The following AMBRA1 variants were observed in gnomAD, a reference collection of about 807,000 sequenced individuals.
AMBRA1 encodes the protein autophagy and beclin 1 regulator 1, also known as activating molecule in BECN1-regulated autophagy protein 1.
Under a neutral mutation model 125.4 loss-of-function variants are expected in AMBRA1, and 47 were observed. The observed-to-expected ratio is 0.37, with a 90% CI of 0.30 to 0.48. The LOEUF is 0.48. AMBRA1 is among the 20% of genes least tolerant of loss of function. The pLI is 0.99. For synonymous variants in AMBRA1, 626 were observed against 655.5 expected, an observed-to-expected ratio of 0.95 and a Z score of 0.69; for missense variants, 1,331 against 1,693.4, an observed-to-expected ratio of 0.79 and a Z score of 3.76.
At chr11:46,589,425 G>C (rs2044513167) in intron 1 of AMBRA1, among the ~76,000 whole-genome samples, 1 of 152,102 alleles carries the variant, frequency 6.6e-6, no homozygotes, top group Non-Finnish European at 1.5e-5. Flanking sequence ...AATGAAACAA[G>C]AATGACTGTG....
At position 46,474,891 on chromosome 11, in the gene AMBRA1, C is replaced by T. The variant is rs376528949; in HGVS notation, c.2521+18717G>A. ...GAAAAAAAACAAAAAGCAAGATAGT[C>T]GAAAGAGAAAGAACACAGTGTGCGC... On this transcript the variant is annotated intron_variant, in intron 11 of 17. Transcript: ENST00000683756. 4.3e-4 allele frequency among the ~76,000 whole-genome samples: 66 copies of T among 152,152 alleles called. No homozygotes were observed. The East Asian group carries it at 4.8e-3, about 11-fold the overall frequency.
chr11:46,473,277 T>A (rs1334006410), intron 11 of AMBRA1, among the ~76,000 whole-genome samples: 1 of 152,198 alleles, frequency 6.6e-6, no homozygotes, highest in African/African-American at 2.4e-5. Flanking sequence ...ACTGACCTCA[T>A]CAAAGGAAGC....
chr11:46,517,860 TTAA>T (rs1220629585), intron 7 of AMBRA1, among the ~76,000 whole-genome samples: 22 of 148,468 alleles, frequency 1.5e-4, no homozygotes, highest in Admixed American at 4.7e-4. Context: ...TGCCAAATAC[TTAA>T]AGAATAGGAT....
At chr11:46,458,380 C>T (rs1355468242) in intron 11 of AMBRA1, among the ~76,000 whole-genome samples, 1 of 152,112 alleles carries the variant, frequency 6.6e-6, no homozygotes, top group Non-Finnish European at 1.5e-5. Flanking sequence ...GAAATCCCTG[C>T]CTACACACTA....
At chr11:46,540,234 C>A (rs983935580) in intron 7 of AMBRA1, among the ~76,000 whole-genome samples, 19 of 152,324 alleles carry the variant, frequency 1.2e-4, no homozygotes, top group African/African-American at 4.3e-4. Context: ...GCAGAATGGA[C>A]AAAAGCTAAC....
intron 11 of AMBRA1, among the ~76,000 whole-genome samples, chr11:46,470,116 A>T (rs1292925168): frequency 6.6e-6 from 1 of 152,204 alleles, no homozygotes; most frequent in Non-Finnish European, 1.5e-5. Flanking sequence ...AGCTAAAGAA[A>T]ACATGCCAAG....
At chr11:46,515,334 G>T (rs532214512) in intron 7 of AMBRA1, among the ~76,000 whole-genome samples, 1 of 152,082 alleles carries the variant, frequency 6.6e-6, no homozygotes, top group Non-Finnish European at 1.5e-5. Flanking sequence ...GTAGCCAGGC[G>T]TGGTGGTGCG....
chr11:46,570,176 C>T (rs985332126), intron 1 of AMBRA1, among the ~76,000 whole-genome samples: 5 of 148,584 alleles, frequency 3.4e-5, no homozygotes, highest in African/African-American at 7.4e-5. Flanking sequence ...GCAGAAGAAT[C>T]GCTTGAACCT....
chr11:46,494,129 G>A lies in AMBRA1; in HGVS notation c.2415C>T (p.Val805=). The A allele has an allele frequency of 1.9e-6, 3 of 1,605,872 alleles. No individual in the cohort carries two copies. Among genetic ancestry groups the A allele is most frequent in the Non-Finnish European group, 1.7e-6 (2 of 1,175,488 alleles). Residue 805 remains valine, a synonymous_variant, in exon 10 of 18, where the codon GTC becomes GTT. Coordinates refer to ENST00000683756, the MANE Select transcript of AMBRA1 (RefSeq NM_001387011.1). ...RMSAPSLGRF[V]PRRFLLPEYL... is the part of the protein sequence containing the mutation. ...GCTAGCAACTCGGTTCTTACCTTGGGACAAAGCGTCCAAGCGAAGGTGCAG... is the reference window on the plus strand; with the variant it reads ...GCTAGCAACTCGGTTCTTACCTTGGAACAAAGCGTCCAAGCGAAGGTGCAG...
chr11:46,495,506 G>A (rs1950598019), intron 9 of AMBRA1: 1 of 152,354 alleles, frequency 6.6e-6, no homozygotes, highest in East Asian at 1.9e-4. Flanking sequence ...TCCCAAAAGA[G>A]AAAGCGTACA....
intron 1 of AMBRA1, among the ~76,000 whole-genome samples, chr11:46,584,489 A>G (rs1432336341): frequency 1.3e-5 from 2 of 151,886 alleles, no homozygotes; most frequent in Admixed American, 1.3e-4. Flanking sequence ...TAACCTGCAC[A>G]TTGTGCACAT....
At chr11:46,585,696 ATATATATATATATATAT>A (rs1185763097) in intron 1 of AMBRA1, among the ~76,000 whole-genome samples, 1 of 16,116 alleles carries the variant, frequency 6.2e-5, no homozygotes, top group Non-Finnish European at 1.2e-4. Context: ...AAAAAAAAAA[ATATATATATATATATAT>A]ATATATATAT....
chr11:46,515,778 C>A (rs1174619664), intron 7 of AMBRA1, among the ~76,000 whole-genome samples: 1 of 152,102 alleles, frequency 6.6e-6, no homozygotes, highest in Non-Finnish European at 1.5e-5. Flanking sequence ...TGGGTTCAAG[C>A]GATTCTCCTG....
At chr11:46,522,249 T>C (rs1951794272) in intron 7 of AMBRA1, among the ~76,000 whole-genome samples, 1 of 152,250 alleles carries the variant, frequency 6.6e-6, no homozygotes. Flanking sequence ...AATACATTTG[T>C]AAGATGACTG....
At chr11:46,529,550 T>C (rs1220769178) in intron 7 of AMBRA1, among the ~76,000 whole-genome samples, 11 of 152,178 alleles carry the variant, frequency 7.2e-5, no homozygotes, top group Non-Finnish European at 1.5e-5. Flanking sequence ...CACTTTTTGC[T>C]TGAGCTAATG....
chr11:46,552,068 T>C (rs1031334261), intron 1 of AMBRA1, among the ~76,000 whole-genome samples: 22 of 148,446 alleles, frequency 1.5e-4, no homozygotes, highest in African/African-American at 5.2e-4. Flanking sequence ...AAAAATAAAT[T>C]AAATTAAATA....
chr11:46,587,178 G>A (rs1591202148), intron 1 of AMBRA1, among the ~76,000 whole-genome samples: 1 of 152,028 alleles, frequency 6.6e-6, no homozygotes. Flanking sequence ...TCAGGAGTTC[G>A]AGATCTGCCT....
At chr11:46,586,714 TACA>T (rs939760034) in intron 1 of AMBRA1, among the ~76,000 whole-genome samples, 5 of 152,226 alleles carry the variant, frequency 3.3e-5, no homozygotes, top group African/African-American at 1.2e-4. Context: ...ATTTAGTTCT[TACA>T]ACAACTGTAT....
intron 1 of AMBRA1, among the ~76,000 whole-genome samples, chr11:46,585,130 G>A (rs1162568609): frequency 6.6e-6 from 1 of 152,066 alleles, no homozygotes. Context: ...GATGTGCTTT[G>A]TTAAACAGAT....
Sources: allele counts gnomAD v4.1 joint callset (sites outside exome capture counted in the v4.1 genomes callset), GRCh38; gene constraint gnomAD v4.1.1; transcripts MANE v1.5; gene names NCBI Gene and HGNC (gene_info 2026-07-23, HGNC 2026-07-21).